NAV2: variants seen among roughly 807,000 people sequenced by gnomAD.
NAV2 encodes neuron navigator 2.
In NAV2, 54 loss-of-function variants were observed where a neutral mutation model predicts 223.2. That is an observed-to-expected ratio of 0.24 (90% CI 0.19 to 0.30). The LOEUF (loss-of-function observed/expected upper bound fraction) is 0.30. Among genes scored for constraint, NAV2 ranks in the 10% least tolerant of loss-of-function variants. The pLI is 1.00. For missense variants in NAV2, 2,806 were observed against 3,147.5 expected (o/e 0.89, Z 2.60); for synonymous variants, 1,279 against 1,239.3 (o/e 1.03, Z -0.67).
intron 1 of NAV2, among the ~76,000 whole-genome samples, chr11:19,690,033 T>C (rs7110826): frequency 0.88 from 133,408 of 152,194 alleles, 58,754 homozygotes; most frequent in Middle Eastern, 0.96. Flanking sequence ...TGCAATGGCG[T>C]GATCTAGGCT....
At position 20,092,189 on chromosome 11, in the gene NAV2, T is replaced by G. The variant is rs1323393716; in HGVS notation, c.5653-17T>G. The G allele has an allele frequency of 3.1e-6, 5 of 1,608,882 alleles. No homozygotes were observed. The highest frequency in any genetic ancestry group is 4.3e-6 in the Non-Finnish European group (5 of 1,175,760). On this transcript the variant is annotated splice_polypyrimidine_tract_variant and intron_variant, in intron 27 of 37. Coordinates refer to ENST00000349880, the MANE Select transcript of NAV2 (RefSeq NM_145117.5). Reference sequence around the variant, plus strand: ...TACTTCTGCCTACTAAGGGAGCTTCTCCATTACTCTTTGCAGAGTGAAATA... The same window carrying G: ...TACTTCTGCCTACTAAGGGAGCTTCGCCATTACTCTTTGCAGAGTGAAATA...
chr11:19,444,670 C>G (rs908366561), intron 1 of NAV2, among the ~76,000 whole-genome samples: 7 of 151,914 alleles, frequency 4.6e-5, no homozygotes, highest in Non-Finnish European at 1.0e-4. Flanking sequence ...GTTAAAGCAG[C>G]TAATACTACC....
chr11:19,871,706 A>C (rs1325704593), intron 4 of NAV2, among the ~76,000 whole-genome samples: 1 of 152,024 alleles, frequency 6.6e-6, no homozygotes, highest in African/African-American at 2.4e-5. Context: ...GCCTCCTGTC[A>C]CCTGGCAGCG....
At position 19,352,392 on chromosome 11, in the gene NAV2, A is replaced by AATTGGGCT. The variant is rs1261332730; in HGVS notation, c.75+1366_75+1373dup. ...GACCTCTGACACTGTAGACAATTTTAATTGGGCTGGTACAGCAAGATAATA... is the reference window on the plus strand; with the variant it reads ...GACCTCTGACACTGTAGACAATTTTAATTGGGCTATTGGGCTGGTACAGCAAGATAATA... On this transcript the variant is annotated intron_variant, in intron 1 of 37. Coordinates refer to the NAV2 transcript ENST00000360655. Among the ~76,000 whole-genome samples the AATTGGGCT allele has an allele frequency of 2.6e-5, 4 of 152,342 alleles. No individual in the cohort carries two copies. The South Asian group carries it at 8.3e-4, about 32-fold the overall frequency.
chr11:19,597,695 A>G (rs982219108), intron 1 of NAV2, among the ~76,000 whole-genome samples: 4 of 152,180 alleles, frequency 2.6e-5, no homozygotes, highest in African/African-American at 9.7e-5. Context: ...CTGATAGTGG[A>G]CCTTTGTCTC....
intron 1 of NAV2, among the ~76,000 whole-genome samples, chr11:19,812,722 A>G (rs921950751): frequency 2.0e-5 from 3 of 152,100 alleles, no homozygotes; most frequent in African/African-American, 7.2e-5. Context: ...TAAACACTGC[A>G]TACCAGAGTT....
chr11:19,603,631 CAAAAAAAA>C (rs1222524445), intron 1 of NAV2, among the ~76,000 whole-genome samples: 4 of 57,724 alleles, frequency 6.9e-5, no homozygotes, highest in East Asian at 4.9e-4. Flanking sequence ...GACTCCATCT[CAAAAAAAA>C]AAAAAAAAAA....
At chr11:19,853,415 G>A (rs189371292) in intron 3 of NAV2, among the ~76,000 whole-genome samples, 63 of 152,372 alleles carry the variant, frequency 4.1e-4, no homozygotes, top group Non-Finnish European at 7.5e-4. Context: ...AGTCCAACCC[G>A]TGGCCCACAG....
chr11:19,457,699 C>A (rs1327550538), intron 1 of NAV2, among the ~76,000 whole-genome samples: 2 of 152,082 alleles, frequency 1.3e-5, no homozygotes, highest in African/African-American at 4.8e-5. Context: ...GTCATCCCTG[C>A]AGGAGATGCC....
In NAV2 at chr11:19,897,886, T is replaced by TTTTATATATATATATATATATATATATA. The variant is rs144642336; in HGVS notation, c.931+5293_931+5294insTTATATATATATATATATATATATATAT. Among the ~76,000 whole-genome samples the TTTTATATATATATATATATATATATATA allele has an allele frequency of 2.9e-4, 35 of 120,672 alleles. 1 individual carries two copies. The East Asian group carries it at 4.5e-3, about 15-fold the overall frequency. 79.2% of individuals were successfully genotyped at this position (120,672 alleles called of 152,430 possible). On this transcript the variant is annotated intron_variant, in intron 6 of 37. Transcript: ENST00000349880. Reference sequence around the variant, plus strand: ...GCCACAGCTGTGCCTGACCTGTGATTTATATATATATATATATATGTGAGC... The same window carrying TTTTATATATATATATATATATATATATA: ...GCCACAGCTGTGCCTGACCTGTGATTTTTATATATATATATATATATATATATATATATATATATATATATATGTGAGC...
intron 1 of NAV2, among the ~76,000 whole-genome samples, chr11:19,393,914 T>C (rs954700455): frequency 7.9e-5 from 12 of 151,100 alleles, no homozygotes; most frequent in Non-Finnish European, 1.0e-4. Flanking sequence ...TTCTTTTTTT[T>C]TTTTTAGGTC....
intron 3 of NAV2, among the ~76,000 whole-genome samples, chr11:19,857,387 T>C (rs2061464512): frequency 6.6e-6 from 1 of 152,232 alleles, no homozygotes; most frequent in Non-Finnish European, 1.5e-5. Flanking sequence ...AATATATTTG[T>C]GACTGTATGT....
At chr11:19,658,424 C>G (rs2048185207) in intron 1 of NAV2, among the ~76,000 whole-genome samples, 1 of 152,164 alleles carries the variant, frequency 6.6e-6, no homozygotes, top group Non-Finnish European at 1.5e-5. Context: ...GTGGTTTGTT[C>G]AAGGTCACAC....
rs548368745 is a variant in NAV2 at position 19,529,055 on chromosome 11, C to T, written c.75+178028C>T. ...TTATAGAAGAAAGGGCGTTTTGGCA[C>T]GTGCGTGCACACACACACACACACT... is the stretch of plus-strand genomic sequence containing the variant. On this transcript the variant is annotated intron_variant, in intron 1 of 37. Coordinates refer to the NAV2 transcript ENST00000360655. 7.2e-5 allele frequency among the ~76,000 whole-genome samples: 11 copies of T among 152,192 alleles called. No homozygotes were observed. The East Asian group carries it at 1.4e-3, about 19-fold the overall frequency.
At chr11:19,799,418 A>G (rs1393281273) in intron 1 of NAV2, among the ~76,000 whole-genome samples, 1 of 152,168 alleles carries the variant, frequency 6.6e-6, no homozygotes, top group African/African-American at 2.4e-5. Context: ...AACAACCCTA[A>G]GTGAGTAGAC....
intron 11 of NAV2, chr11:20,023,057 T>C (rs1213477580): frequency 3.2e-6 from 5 of 1,551,164 alleles, no homozygotes; most frequent in Non-Finnish European, 4.4e-6. Flanking sequence ...TCCTGTGAGA[T>C]TCATTCAGCT....
At position 19,509,519 on chromosome 11, in the gene NAV2, C is replaced by G. The variant is rs543396874; in HGVS notation, c.75+158492C>G. On this transcript the variant is annotated intron_variant, in intron 1 of 37. Transcript: ENST00000360655. ...TATAAAGGGATTAGATGCAAATGCA[C>G]TGAAGATTTGGCTGATTTGGGCTTG... Among the ~76,000 whole-genome samples, 3 of 152,326 alleles carry G rather than the reference C, an allele frequency of 2.0e-5. No individual in the cohort carries two copies. In the South Asian group the frequency reaches 6.2e-4, roughly 32 times the overall value.
intron 11 of NAV2, among the ~76,000 whole-genome samples, chr11:19,999,403 T>C (rs2052316890): frequency 6.6e-6 from 1 of 152,202 alleles, no homozygotes; most frequent in South Asian, 2.1e-4. Context: ...AGTTTTGCTC[T>C]TGTCACCCAG....
At chr11:19,565,273 G>A (rs918380606) in intron 1 of NAV2, among the ~76,000 whole-genome samples, 2 of 152,166 alleles carry the variant, frequency 1.3e-5, no homozygotes, top group African/African-American at 4.8e-5. Context: ...TGAGGTTAAA[G>A]CCCATGCTTT....
Sources: gnomAD v4.1 joint callset for allele counts (sites outside exome capture counted in the v4.1 genomes callset) on GRCh38, gnomAD v4.1.1 for gene constraint, MANE v1.5 for transcripts, NCBI Gene and HGNC (gene_info 2026-07-23, HGNC 2026-07-21) for gene names.